The following ADGRG7 variants were observed in gnomAD, a reference collection of about 807,000 sequenced individuals.
The protein encoded by ADGRG7 is adhesion G protein-coupled receptor G7.
A neutral mutation model predicts 88.6 loss-of-function variants in ADGRG7; 82 were observed. The observed-to-expected ratio is 0.93, with a 90% confidence interval of 0.77 to 1.11. ADGRG7 has a LOEUF of 1.11. ADGRG7 is among the 50% of genes most tolerant of loss of function. The pLI, the probability that ADGRG7 is intolerant of heterozygous loss-of-function variation, is 0.00. For synonymous variants in ADGRG7, 381 were observed against 345.2 expected, an observed-to-expected ratio of 1.10 and a Z score of -1.15; for missense variants, 945 against 953.4, an observed-to-expected ratio of 0.99 and a Z score of 0.12.
intron 6 of ADGRG7, among the ~76,000 whole-genome samples, chr3:100,640,970 C>A (rs1047568332): frequency 2.0e-5 from 3 of 152,158 alleles, no homozygotes; most frequent in Non-Finnish European, 4.4e-5. Context: ...ATTTACATTT[C>A]GCTTTTCTTT....
intron 10 of ADGRG7, among the ~76,000 whole-genome samples, chr3:100,648,321 G>A (rs1707790872): frequency 9.8e-6 from 1 of 101,684 alleles, no homozygotes; most frequent in Admixed American, 1.2e-4. Flanking sequence ...GCATGATTAA[G>A]AGCAAATCGG....
intron 15 of ADGRG7, among the ~76,000 whole-genome samples, chr3:100,693,726 A>G (rs553778165): frequency 1.3e-5 from 2 of 152,224 alleles, no homozygotes; most frequent in African/African-American, 4.8e-5. Flanking sequence ...GCTCCCACAT[A>G]TTCTTTGTCC....
rs116357121 is a variant in ADGRG7 at position 100,684,364 on chromosome 3, A to G, written c.2137-10380A>G. Reference sequence around the variant, plus strand: ...CTGCAGCCTCAATCTCCTGGACTCAATTGATCCCCCCACCTCAACCTCCCA... The same window carrying G: ...CTGCAGCCTCAATCTCCTGGACTCAGTTGATCCCCCCACCTCAACCTCCCA... On this transcript the variant is annotated intron_variant, in intron 15 of 15. Coordinates refer to ENST00000273352, the MANE Select transcript of ADGRG7 (RefSeq NM_032787.3). Among the ~76,000 whole-genome samples, 370 of 151,928 alleles carry G rather than the reference A, an allele frequency of 2.4e-3. 3 individuals carry two copies. Among genetic ancestry groups the G allele is most frequent in the African/African-American group, 8.5e-3 (352 of 41,440 alleles).
intron 15 of ADGRG7, among the ~76,000 whole-genome samples, chr3:100,682,079 G>A (rs1417108225): frequency 6.6e-6 from 1 of 152,202 alleles, no homozygotes; most frequent in African/African-American, 2.4e-5. Context: ...GCTGCAGTGG[G>A]GTACAGGCGC....
At chr3:100,667,530 T>C (rs1385906687) in intron 14 of ADGRG7, among the ~76,000 whole-genome samples, 1 of 152,232 alleles carries the variant, frequency 6.6e-6, no homozygotes, top group Non-Finnish European at 1.5e-5. Context: ...GGCTGCATAG[T>C]ATTCCATGGT....
intron 11 of ADGRG7, among the ~76,000 whole-genome samples, chr3:100,653,075 T>C (rs532610627): frequency 5.3e-5 from 8 of 152,316 alleles, no homozygotes; most frequent in Non-Finnish European, 1.0e-4. Context: ...CTTGAAACAT[T>C]AGTCCAAGGG....
rs573702880 is a variant in ADGRG7, at chr3:100,635,853, AT to A, written c.597+37del. ...TAAAACTCACAGAGCTTTAAAAAAA[AT>A]TTTTTTTTTATTTTTAGAGGGGGTG... is the stretch of plus-strand genomic sequence containing the variant. On this transcript the variant is annotated intron_variant, in intron 5 of 15. Transcript: ENST00000273352. 4,758 of 1,536,640 alleles carry A rather than the reference AT, an allele frequency of 3.1e-3. 97 individuals are homozygous for A. In the African/African-American group the frequency reaches 0.054, roughly 17 times the overall value.
intron 1 of ADGRG7, among the ~76,000 whole-genome samples, chr3:100,616,257 T>C (rs188765807): frequency 6.6e-6 from 1 of 152,110 alleles, no homozygotes; most frequent in African/African-American, 2.4e-5. Context: ...CAAAATTACA[T>C]GCGAACCATG....
intron 1 of ADGRG7, among the ~76,000 whole-genome samples, chr3:100,629,145 C>T (rs1707421204): frequency 6.6e-6 from 1 of 152,120 alleles, no homozygotes; most frequent in East Asian, 1.9e-4. Flanking sequence ...TCTGGTTTTT[C>T]AAGATGTAAT....
At chr3:100,619,685 A>G (rs1176464649) in intron 1 of ADGRG7, among the ~76,000 whole-genome samples, 1 of 152,156 alleles carries the variant, frequency 6.6e-6, no homozygotes, top group Non-Finnish European at 1.5e-5. Context: ...AAGAAAAGAG[A>G]GAAGAATCAA....
At chr3:100,692,443 T>A (rs1352581182) in intron 15 of ADGRG7, among the ~76,000 whole-genome samples, 2 of 152,132 alleles carry the variant, frequency 1.3e-5, no homozygotes, top group Non-Finnish European at 2.9e-5. Flanking sequence ...GGAATCTGAA[T>A]GAAGGCACAG....
chr3:100,611,279 C>CCTTT (rs1707146654), intron 1 of ADGRG7, among the ~76,000 whole-genome samples: 3 of 143,598 alleles, frequency 2.1e-5, no homozygotes, highest in Admixed American at 7.4e-5. Context: ...TTCCTTCCTT[C>CCTTT]CTTCCTTCCT....
chr3:100,665,489 G>C (rs777569906), intron 14 of ADGRG7: 5 of 513,250 alleles, frequency 9.7e-6, no homozygotes, highest in Non-Finnish European at 2.0e-5. Flanking sequence ...CCTTTCCGCC[G>C]TCAGTGGCCT....
Position 100,669,052 on chromosome 3 carries a change from G to A in ADGRG7, c.2083G>A (p.Asp695Asn). Residue 695 changes from aspartate (D) to asparagine (N), a missense_variant, in exon 15 of 16, where the codon GAT becomes AAT. Asp to Asn is a conservative substitution (Grantham distance 23). Transcript: ENST00000273352. ...AGCATACCTGATGCTAGTTAATGAT[G>A]ATAGCATCAGGATCGTCTTCAGCTA... ...ILAYLMLVND[D>N]SIRIVFSYIF... The A allele has an allele frequency of 6.2e-7, 1 of 1,602,600 alleles. No individual in the cohort carries two copies. Among genetic ancestry groups the A allele is most frequent in the Non-Finnish European group, 8.5e-7 (1 of 1,174,320 alleles).
In ADGRG7 at chr3:100,635,089, A is replaced by T. The variant is rs111528085; in HGVS notation, c.448-588A>T. ...TTCACCAATGACAATATGGATTGGC[A>T]TGTTTTAGCCTCACAACACAGAGCC... is the stretch of plus-strand genomic sequence containing the variant. On this transcript the variant is annotated intron_variant, in intron 4 of 15. Transcript: ENST00000273352. Among the ~76,000 whole-genome samples, 947 of 152,090 alleles carry T rather than the reference A, an allele frequency of 6.2e-3. 5 individuals carry two copies. The highest frequency in any genetic ancestry group is 9.7e-3 in the Non-Finnish European group (660 of 67,990).
intron 1 of ADGRG7, among the ~76,000 whole-genome samples, chr3:100,617,690 T>C (rs1301437244): frequency 1.3e-4 from 20 of 152,230 alleles, no homozygotes; most frequent in Non-Finnish European, 2.4e-4. Flanking sequence ...TGCATGTGTC[T>C]TTATAGCAGT....
chr3:100,638,560 A>C (rs529444725), intron 6 of ADGRG7, among the ~76,000 whole-genome samples: 1 of 152,330 alleles, frequency 6.6e-6, no homozygotes, highest in Admixed American at 6.5e-5. Context: ...GACATTATTC[A>C]GAAAGAACCA....
chr3:100,639,875 G>A (rs1362620839), intron 6 of ADGRG7, among the ~76,000 whole-genome samples: 1 of 152,094 alleles, frequency 6.6e-6, no homozygotes, highest in Non-Finnish European at 1.5e-5. Flanking sequence ...TAAAGGAGGT[G>A]GTTAAAGGAT....
At position 100,629,726 on chromosome 3, in the gene ADGRG7, A is replaced by C. The variant is rs541007005; in HGVS notation, c.229+15A>C. On this transcript the variant is annotated intron_variant, in intron 2 of 15. Coordinates refer to ENST00000273352, the MANE Select transcript of ADGRG7 (RefSeq NM_032787.3). ...ATGTACAATTGGTAAATTACTTGGG[A>C]TAATGCTAAAGTGTAAGGTTTACGT... The C allele has an allele frequency of 6.6e-7, 1 of 1,518,232 alleles. No homozygotes were observed. The highest frequency in any genetic ancestry group is 1.1e-5 in the South Asian group (1 of 88,940). 94.0% of individuals were successfully genotyped at this position (1,518,232 alleles called of 1,614,324 possible). A position where few individuals can be genotyped will look rare whatever the true frequency, so the allele number is the denominator to read the frequency against.
Sources: gnomAD v4.1 joint callset for allele counts (sites outside exome capture counted in the v4.1 genomes callset) on GRCh38, gnomAD v4.1.1 for gene constraint, MANE v1.5 for transcripts, NCBI Gene and HGNC (gene_info 2026-07-23, HGNC 2026-07-21) for gene names.